Variants in BBS9 observed in about 807,000 individuals in gnomAD.
BBS9 encodes the protein protein PTHB1.
Under a neutral mutation model 117.7 loss-of-function variants are expected in BBS9, and 89 were observed. The observed-to-expected ratio is 0.76, with a 90% CI of 0.64 to 0.90. The LOEUF (loss-of-function observed/expected upper bound fraction) is 0.90, where lower values mean the gene tolerates loss of function less well. Ranked by LOEUF, BBS9 falls within the 40% of genes least tolerant of loss-of-function variation. BBS9 has a pLI of 0.00. For missense variants in BBS9, 982 were observed against 1,042.2 expected, an observed-to-expected ratio of 0.94 and a Z score of 0.80; for synonymous variants, 379 against 370.9, an observed-to-expected ratio of 1.02 and a Z score of -0.25.
At chr7:33,510,283 A>C (rs1846745192) in intron 20 of BBS9, among the ~76,000 whole-genome samples, 1 of 152,004 alleles carries the variant, frequency 6.6e-6, no homozygotes, top group Non-Finnish European at 1.5e-5. Context: ...TCAATGCAGA[A>C]TTTAAACATG....
intron 19 of BBS9, among the ~76,000 whole-genome samples, chr7:33,432,385 AG>A (rs1042448131): frequency 4.0e-5 from 6 of 151,768 alleles, no homozygotes; most frequent in African/African-American, 1.5e-4. Flanking sequence ...CTGGGATTAC[AG>A]GCATGAGCCA....
intron 9 of BBS9, among the ~76,000 whole-genome samples, chr7:33,304,607 A>G (rs556120561): frequency 9.6e-4 from 146 of 152,284 alleles, no homozygotes; most frequent in African/African-American, 3.3e-3. Flanking sequence ...GTGAAGTGAC[A>G]GCCTTTCTGC....
intron 9 of BBS9, among the ~76,000 whole-genome samples, chr7:33,311,977 G>A (rs1259089749): frequency 6.6e-6 from 1 of 152,118 alleles, no homozygotes; most frequent in Admixed American, 6.5e-5. Flanking sequence ...AATTTTGAAA[G>A]AAAAATAGTT....
chr7:33,484,878 G>C (rs1842893984), intron 19 of BBS9, among the ~76,000 whole-genome samples: 1 of 152,122 alleles, frequency 6.6e-6, no homozygotes, highest in African/African-American at 2.4e-5. Flanking sequence ...CAACAGCAAA[G>C]ACATGGAATC....
intron 16 of BBS9, among the ~76,000 whole-genome samples, chr7:33,358,213 C>G (rs1241177721): frequency 6.6e-6 from 1 of 151,648 alleles, no homozygotes; most frequent in African/African-American, 2.4e-5. Context: ...TTAAAATTAT[C>G]ATAATAATTA....
At chr7:33,383,535 C>T in intron 17 of BBS9, 131 bp from the exon 18 acceptor site, 1 of 799,942 alleles carries the variant, frequency 1.3e-6, no homozygotes, top group Non-Finnish European at 2.0e-6. Flanking sequence ...TTTTATAAAG[C>T]CAGTGTAATC....
intron 9 of BBS9, among the ~76,000 whole-genome samples, chr7:33,327,721 T>C (rs571010435): frequency 3.9e-5 from 6 of 152,188 alleles, no homozygotes; most frequent in African/African-American, 1.2e-4. Flanking sequence ...AAAACAAATA[T>C]TTGTTTCATG....
At chr7:33,459,851 ATATAT>A (rs1839199592) in intron 19 of BBS9, among the ~76,000 whole-genome samples, 1 of 152,146 alleles carries the variant, frequency 6.6e-6, no homozygotes, top group South Asian at 2.1e-4. Flanking sequence ...GGTCTTTACC[ATATAT>A]TATATAAGTG....
chr7:33,453,670 C>T (rs1838225430), intron 19 of BBS9, among the ~76,000 whole-genome samples: 1 of 151,960 alleles, frequency 6.6e-6, no homozygotes, highest in African/African-American at 2.4e-5. Flanking sequence ...TACAGGCATG[C>T]ACCACCATGC....
chr7:33,350,123 T>A (rs954323151), intron 13 of BBS9, among the ~76,000 whole-genome samples: 1 of 152,256 alleles, frequency 6.6e-6, no homozygotes, highest in African/African-American at 2.4e-5. Context: ...ATTAGTCCTG[T>A]TAAGATAATC....
At chr7:33,163,926 G>A (rs775209011) in intron 4 of BBS9, among the ~76,000 whole-genome samples, 68 of 152,214 alleles carry the variant, frequency 4.5e-4, no homozygotes, top group Middle Eastern at 3.4e-3. Flanking sequence ...TGATGTTAGG[G>A]TGTCTATTTT....
chr7:33,528,951 C>G (rs1416642967), intron 20 of BBS9, among the ~76,000 whole-genome samples: 6 of 152,222 alleles, frequency 3.9e-5, no homozygotes, highest in African/African-American at 1.4e-4. Flanking sequence ...TAATAAGCCA[C>G]TTGCTTGATC....
chr7:33,529,312 C>T (rs780611269), intron 20 of BBS9, among the ~76,000 whole-genome samples: 7 of 152,138 alleles, frequency 4.6e-5, no homozygotes, highest in African/African-American at 7.2e-5. Flanking sequence ...GGCAGGGCCT[C>T]GGCCCCTGAG....
At chr7:33,552,922 C>T (rs1343043730) in intron 21 of BBS9, among the ~76,000 whole-genome samples, 17 of 152,170 alleles carry the variant, frequency 1.1e-4, no homozygotes, top group Non-Finnish European at 2.2e-4. Context: ...ACTTCTCCAC[C>T]AGCAATTTCT....
chr7:33,179,570 A>G (rs1423714888), intron 5 of BBS9, among the ~76,000 whole-genome samples: 2 of 151,826 alleles, frequency 1.3e-5, no homozygotes, highest in African/African-American at 4.8e-5. Context: ...ATTGCCTCCC[A>G]TCATGCCAAG....
chr7:33,141,487 T>C (rs1791457188), intron 1 of BBS9, among the ~76,000 whole-genome samples: 1 of 152,146 alleles, frequency 6.6e-6, no homozygotes, highest in African/African-American at 2.4e-5. Context: ...CACCTCAGAC[T>C]CCTGACAGTA....
At chr7:33,193,735 C>G (rs1276925934) in intron 5 of BBS9, among the ~76,000 whole-genome samples, 1 of 151,846 alleles carries the variant, frequency 6.6e-6, no homozygotes, top group Non-Finnish European at 1.5e-5. Context: ...CTTCAACCCT[C>G]TCTTTTGTGA....
intron 15 of BBS9, among the ~76,000 whole-genome samples, chr7:33,355,587 A>G (rs1214641892): frequency 1.3e-5 from 2 of 151,918 alleles, no homozygotes; most frequent in Non-Finnish European, 2.9e-5. Context: ...CAAATGTCCT[A>G]TGAAACAGGC....
intron 9 of BBS9, among the ~76,000 whole-genome samples, chr7:33,304,883 A>G (rs1189538479): frequency 6.6e-6 from 1 of 152,158 alleles, no homozygotes; most frequent in Middle Eastern, 3.2e-3. Context: ...TCAGGGTTAA[A>G]TGGATTAAGG....
Sources: allele counts gnomAD v4.1 joint callset (sites outside exome capture counted in the v4.1 genomes callset), GRCh38; gene constraint gnomAD v4.1.1; transcripts MANE v1.5; gene names NCBI Gene and HGNC (gene_info 2026-07-23, HGNC 2026-07-21).